Variants in CDH26 observed in about 807,000 individuals in gnomAD.
CDH26 encodes the protein cadherin-like protein 26.
CDH26 carries 83 observed loss-of-function variants against 90.3 expected under a neutral mutation model. The observed-to-expected ratio is 0.92, with a 90% CI of 0.77 to 1.10. The LOEUF (loss-of-function observed/expected upper bound fraction) is 1.10. Ranked by LOEUF, CDH26 falls within the 50% of genes least tolerant of loss-of-function variation. The pLI is 0.00. For missense variants in CDH26, 1,013 were observed against 1,037.6 expected (o/e 0.98, Z 0.33); for synonymous variants, 397 against 396.3 (o/e 1.00, Z -0.02).
At position 59,958,750 on chromosome 20, in the gene CDH26, C is replaced by T. The variant is rs2061029423; in HGVS notation, c.24C>T (p.His8=). 6.2e-7 allele frequency: 1 copy of T among 1,613,986 alleles called. No homozygotes were observed. The highest frequency in any genetic ancestry group is 8.5e-7 in the Non-Finnish European group (1 of 1,179,994). Residue 8 remains histidine, a synonymous_variant, in exon 1 of 18, where the codon CAC becomes CAT. Transcript: ENST00000348616. MAMRSGR[H]PSLLLLLVLL... is the part of the protein sequence containing the mutation. Reference sequence around the variant, plus strand: ...ATATGGCCATGAGATCCGGGAGGCACCCCTCGCTGCTGCTGCTTCTAGTGC... The same window carrying T: ...ATATGGCCATGAGATCCGGGAGGCATCCCTCGCTGCTGCTGCTTCTAGTGC...
Position 59,970,071 on chromosome 20 carries a change from A to G in CDH26, c.127-11A>G, listed in dbSNP as rs373877280. On this transcript the variant is annotated splice_polypyrimidine_tract_variant and intron_variant, in intron 2 of 17. Transcript: ENST00000348616. ...CATCCTCATTGTCACCAGTGTCACT[A>G]TAAGTTCCAGGAAAAGATCTACCAG... 4.8e-5 allele frequency: 77 copies of G among 1,610,584 alleles called. No homozygotes were observed. In the Middle Eastern group the frequency reaches 2.5e-3, roughly 52 times the overall value.
chr20:60,007,663 A>G (rs1316771939), intron 17 of CDH26, among the ~76,000 whole-genome samples: 1 of 151,728 alleles, frequency 6.6e-6, no homozygotes, highest in African/African-American at 2.4e-5. Context: ...CACTGGTGTG[A>G]GTCTCTTGCA....
At chr20:60,015,195 A>G (rs1601214703), downstream of CDH26, among the ~76,000 whole-genome samples, 1 of 152,180 alleles carries the variant, frequency 6.6e-6, no homozygotes, top group African/African-American at 2.4e-5. Context: ...CATGTTGGCC[A>G]GGCTGGTCTC....
In CDH26 at chr20:59,988,952, G is replaced by A. The variant is rs2061491963; in HGVS notation, c.1072G>A (p.Glu358Lys). Residue 358 changes from glutamate to lysine, a missense_variant, in exon 9 of 18, where the codon GAG becomes AAG. Coordinates refer to ENST00000348616, the MANE Select transcript of CDH26 (RefSeq NM_177980.4). ...RPAQSLIIVV[E>K]NEERLVFCER... The stretch of plus-strand genomic sequence containing the variant: ...AGCGCAAAGCCTCATCATTGTCGTG[G>A]AGAATGAGGAGAGGCTCGTCTTCTG... 6.2e-7 allele frequency: 1 copy of A among 1,614,166 alleles called. No homozygotes were observed.
chr20:60,010,516 C>A (rs915518629), intron 17 of CDH26, among the ~76,000 whole-genome samples: 1 of 152,168 alleles, frequency 6.6e-6, no homozygotes, highest in Non-Finnish European at 1.5e-5. Flanking sequence ...CCCCTCCACT[C>A]CCCTATTTAT....
intron 3 of CDH26, among the ~76,000 whole-genome samples, chr20:59,970,833 T>C (rs2061252829): frequency 6.6e-6 from 1 of 150,560 alleles, no homozygotes; most frequent in Non-Finnish European, 1.5e-5. Flanking sequence ...AATAAATAAA[T>C]AAATAAATAA....
At chr20:59,963,240 G>C (rs2061099100) in intron 1 of CDH26, among the ~76,000 whole-genome samples, 2 of 147,654 alleles carry the variant, frequency 1.4e-5, no homozygotes, top group Non-Finnish European at 3.0e-5. Flanking sequence ...AGCTGGTGAG[G>C]GGTAGATAAG....
chr20:59,980,300 CT>C (rs111703680), intron 4 of CDH26, among the ~76,000 whole-genome samples: 39 of 146,474 alleles, frequency 2.7e-4, no homozygotes, highest in Middle Eastern at 3.5e-3. Context: ...TTGTTTTTGT[CT>C]TTTTTTTTTT....
rs2061239125 is a variant in CDH26, at chr20:59,970,200, T to A, written c.231+14T>A. 1 of 1,611,370 alleles carries A rather than the reference T, an allele frequency of 6.2e-7. No homozygotes were observed. Among genetic ancestry groups the A allele is most frequent in the East Asian group, 2.2e-5 (1 of 44,780 alleles). On this transcript the variant is annotated intron_variant, in intron 3 of 17. Transcript: ENST00000348616. Reference sequence around the variant, plus strand: ...CTCATTGGTGAGGTAAGGTGCCTACTCTTAAGGAATGACCCCATCATGCCC... The same window carrying A: ...CTCATTGGTGAGGTAAGGTGCCTACACTTAAGGAATGACCCCATCATGCCC...
At chr20:59,987,036 A>G (rs149565084) in intron 7 of CDH26, among the ~76,000 whole-genome samples, 1 of 152,318 alleles carries the variant, frequency 6.6e-6, no homozygotes, top group African/African-American at 2.4e-5. Context: ...GAAGATCTAC[A>G]TGTGTTAGAA....
chr20:59,990,226 A>G (rs908866926), intron 9 of CDH26, among the ~76,000 whole-genome samples: 18 of 152,214 alleles, frequency 1.2e-4, no homozygotes, highest in Admixed American at 9.8e-4. Context: ...CATATGTGGT[A>G]TTGACACATT....
chr20:59,970,665 C>A (rs1225140217), intron 3 of CDH26, among the ~76,000 whole-genome samples: 2 of 151,564 alleles, frequency 1.3e-5, no homozygotes, highest in African/African-American at 4.8e-5. Flanking sequence ...AAAAAATTAA[C>A]CAGGCATGGT....
At chr20:59,970,951 G>A (rs991170303) in intron 3 of CDH26, among the ~76,000 whole-genome samples, 1 of 151,950 alleles carries the variant, frequency 6.6e-6, no homozygotes, top group African/African-American at 2.4e-5. Context: ...CAACAATTAG[G>A]CGGGGCTTGA....
At chr20:59,987,673 T>C in intron 8 of CDH26, 35 bp downstream of exon 8, 2 of 1,552,050 alleles carry the variant, frequency 1.3e-6, no homozygotes, top group Non-Finnish European at 1.8e-6. Context: ...AACCAGTTAG[T>C]GGCAGACGCT....
intron 13 of CDH26, among the ~76,000 whole-genome samples, chr20:59,997,516 C>CG (rs2061615087): frequency 6.6e-6 from 1 of 152,286 alleles, no homozygotes; most frequent in Non-Finnish European, 1.5e-5. Flanking sequence ...CCAATGGCCA[C>CG]TGGTTTTTCA....
intron 3 of CDH26, among the ~76,000 whole-genome samples, chr20:59,971,168 T>C (rs1413005728): frequency 6.6e-6 from 1 of 152,150 alleles, no homozygotes; most frequent in Non-Finnish European, 1.5e-5. Flanking sequence ...TCTATGATTC[T>C]TAGAAGAAGG....
intron 8 of CDH26, 140 bp from the exon 9 acceptor site, chr20:59,988,764 G>C (rs549166619): frequency 1.1e-6 from 1 of 876,926 alleles, no homozygotes; most frequent in Admixed American, 2.8e-5. Context: ...ACTGTCTTTT[G>C]ATCATTATCA....
intron 5 of CDH26, among the ~76,000 whole-genome samples, chr20:59,983,726 G>GTATA (rs1174390245): frequency 3.3e-5 from 5 of 151,968 alleles, no homozygotes; most frequent in African/African-American, 4.8e-5. Context: ...ATGCATATTT[G>GTATA]TATATACATA....
In CDH26 at chr20:59,992,481, AAC is replaced by A. The variant is rs1299243303; in HGVS notation, c.1389_1390del (p.Asn463LysfsTer11). On this transcript the variant is annotated frameshift_variant, in exon 10 of 18. Coordinates refer to ENST00000348616, the MANE Select transcript of CDH26 (RefSeq NM_177980.4). LOFTEE classifies it high-confidence loss of function. The surrounding 1 kb of genome is among the most constrained non-coding windows in gnomAD (Gnocchi z 5.0). The stretch of plus-strand genomic sequence containing the variant: ...TGACCGAGAATCCCCTCATGTAAAT[AAC>A]AGTTTTTATGTAATCATCATTCACG... ...PIDRESPHVN[N>X]SFYVIIIHAV... 1 of 1,614,212 alleles carries A rather than the reference AAC, an allele frequency of 6.2e-7. No homozygotes were observed.
Sources: allele counts gnomAD v4.1 joint callset (sites outside exome capture counted in the v4.1 genomes callset), GRCh38; gene constraint gnomAD v4.1.1; non-coding constraint Gnocchi (gnomAD v3.1); transcripts MANE v1.5; gene names NCBI Gene and HGNC (gene_info 2026-07-23, HGNC 2026-07-21).